Variants in ZNF717 observed in about 807,000 individuals in gnomAD.
The protein encoded by ZNF717 is krueppel-like factor X17.
ZNF717 carries 9 observed loss-of-function variants against 13.8 expected under a neutral mutation model. That is an observed-to-expected ratio of 0.65 (90% confidence interval 0.39 to 1.14). ZNF717 has a LOEUF of 1.14. Among genes scored for constraint, ZNF717 ranks in the 50% most tolerant of loss-of-function variants. ZNF717 has a pLI of 0.01. For missense variants in ZNF717, 1,040 were observed against 1,080.7 expected (o/e 0.96, Z 0.53); for synonymous variants, 327 against 364.1 (o/e 0.90, Z 1.16).
In ZNF717 at chr3:75,738,087, A is replaced by G. The variant is rs1939697532; in HGVS notation, c.1536T>C (p.Cys512=). The change falls in exon 5 of 5, where the codon TGT becomes TGC. Residue 512 remains cysteine (C), a synonymous_variant. Transcript: ENST00000652011. ...ATGACTTACAGCGAAAGGTTTTCCCACATTCATTGCATTCGTAGGGTTTTT... is the reference window on the plus strand; with the variant it reads ...ATGACTTACAGCGAAAGGTTTTCCCGCATTCATTGCATTCGTAGGGTTTTT... ...TGEKPYECNE[C]GKTFRCKSFL... The G allele has an allele frequency of 7.4e-7, 1 of 1,349,806 alleles. No homozygotes were observed. The highest frequency in any genetic ancestry group is 3.2e-5 in the East Asian group (1 of 31,490). 83.6% of individuals were successfully genotyped at this position (1,349,806 alleles called of 1,614,324 possible).
At chr3:75,733,952 G>C (rs749296176), downstream of ZNF717, among the ~76,000 whole-genome samples, 3 of 138,694 alleles carry the variant, frequency 2.2e-5, no homozygotes, top group Non-Finnish European at 4.8e-5. Flanking sequence ...ACATTCCCTG[G>C]ACAAACAAAA....
At chr3:75,718,557 C>T (rs1938108836) in intron 4 of ZNF717, among the ~76,000 whole-genome samples, 1 of 152,180 alleles carries the variant, frequency 6.6e-6, no homozygotes, top group Non-Finnish European at 1.5e-5. Context: ...ATATAAGTTA[C>T]ATCAGTGGTC....
intron 3 of ZNF717, 88 bp downstream of exon 3, chr3:75,741,522 C>T (rs878861280): frequency 1.3e-6 from 2 of 1,498,870 alleles, no homozygotes; most frequent in South Asian, 1.2e-5. Flanking sequence ...TGGAAGCTTA[C>T]AAGTAAATAT....
At chr3:75,755,496 T>A (rs1942391984) in intron 2 of ZNF717, among the ~76,000 whole-genome samples, 1 of 151,928 alleles carries the variant, frequency 6.6e-6, no homozygotes. Context: ...AGCTTGTAGA[T>A]AATAATAAAT....
chr3:75,735,135 T>A (rs1575745658), downstream of ZNF717, among the ~76,000 whole-genome samples: 1 of 152,248 alleles, frequency 6.6e-6, no homozygotes, highest in African/African-American at 2.4e-5. Context: ...AATTACATAC[T>A]TTAATATATA....
chr3:75,784,834 G>A (rs1305462446), intron 1 of ZNF717: 1 of 152,104 alleles, frequency 6.6e-6, no homozygotes. Context: ...TAGACCAGAG[G>A]GCTGTTCTTT....
intron 2 of ZNF717, among the ~76,000 whole-genome samples, chr3:75,779,675 AGTCGTGCTAAACCAG>A (rs2107728905): frequency 1.6e-4 from 23 of 144,052 alleles, no homozygotes; most frequent in Admixed American, 2.9e-4. Flanking sequence ...ACAATGGGAG[AGTCGTGCTAAACCAG>A]GATCCAAAGC....
At chr3:75,744,615 C>T (rs1575799270) in intron 2 of ZNF717, among the ~76,000 whole-genome samples, 3 of 152,162 alleles carry the variant, frequency 2.0e-5, no homozygotes. Flanking sequence ...GCGTGGACAA[C>T]TCTAAGTGTT....
chr3:75,707,316 G>A (rs1160040745), downstream of ZNF717, among the ~76,000 whole-genome samples: 1 of 152,204 alleles, frequency 6.6e-6, no homozygotes, highest in African/African-American at 2.4e-5. Context: ...ATACTCCCAT[G>A]TTACCAGATA....
chr3:75,770,236 T>C (rs1254027389), intron 2 of ZNF717, among the ~76,000 whole-genome samples: 1 of 152,170 alleles, frequency 6.6e-6, no homozygotes, highest in African/African-American at 2.4e-5. Context: ...ACTCAGCTCT[T>C]CTCCTGTATT....
chr3:75,721,162 G>A (rs62248782), intron 4 of ZNF717, among the ~76,000 whole-genome samples: 1 of 145,478 alleles, frequency 6.9e-6, no homozygotes, highest in East Asian at 2.1e-4. Flanking sequence ...AATTAAGGTT[G>A]TTCAGGTTCA....
chr3:75,697,945 T>C (rs1246823914), intron 6 of ZNF717, among the ~76,000 whole-genome samples: 1 of 152,296 alleles, frequency 6.6e-6, no homozygotes, highest in African/African-American at 2.4e-5. Context: ...AGATGAAAAT[T>C]AGAAACTAAT....
At chr3:75,723,498 G>C (rs74343712) in intron 4 of ZNF717, among the ~76,000 whole-genome samples, 1 of 152,178 alleles carries the variant, frequency 6.6e-6, no homozygotes, top group Non-Finnish European at 1.5e-5. Flanking sequence ...ATAGAATATA[G>C]ATGATGATAT....
At chr3:75,724,249 C>A (rs1302181875) in intron 4 of ZNF717, among the ~76,000 whole-genome samples, 1 of 152,022 alleles carries the variant, frequency 6.6e-6, no homozygotes, top group Admixed American at 6.6e-5. Flanking sequence ...GTCTCCACGT[C>A]TTGGTGGTAG....
chr3:75,747,359 A>G (rs1200414671), intron 2 of ZNF717, among the ~76,000 whole-genome samples: 6 of 152,112 alleles, frequency 3.9e-5, no homozygotes, highest in Admixed American at 6.6e-5. Context: ...TTTTGGTTCT[A>G]TATCAACTTT....
intron 2 of ZNF717, among the ~76,000 whole-genome samples, chr3:75,774,272 C>T (rs979139470): frequency 6.6e-6 from 1 of 151,440 alleles, no homozygotes; most frequent in Non-Finnish European, 1.5e-5. Flanking sequence ...GATTTTTGCC[C>T]TTTAAAAATT....
intron 4 of ZNF717, among the ~76,000 whole-genome samples, chr3:75,724,425 T>G (rs1297770429): frequency 3.3e-5 from 5 of 150,158 alleles, no homozygotes; most frequent in Admixed American, 6.7e-5. Context: ...ATATTTTTTG[T>G]AGAGATGGGG....
chr3:75,743,007 T>A (rs1226269636), intron 2 of ZNF717, among the ~76,000 whole-genome samples: 1 of 152,222 alleles, frequency 6.6e-6, no homozygotes, highest in African/African-American at 2.4e-5. Flanking sequence ...GATATTGGCA[T>A]TGCAGATGAA....
intron 2 of ZNF717, among the ~76,000 whole-genome samples, chr3:75,753,617 G>C (rs1575855134): frequency 6.6e-6 from 1 of 151,724 alleles, no homozygotes. Flanking sequence ...TAGGATTCCT[G>C]AACACTGCTA....
Sources: allele counts gnomAD v4.1 joint callset (sites outside exome capture counted in the v4.1 genomes callset), GRCh38; gene constraint gnomAD v4.1.1; transcripts MANE v1.5; gene names NCBI Gene and HGNC (gene_info 2026-07-23, HGNC 2026-07-21).